Variants in OGDH observed in about 807,000 individuals in gnomAD.
OGDH encodes the protein oxoglutarate dehydrogenase, also known as 2-oxoglutarate dehydrogenase complex component E1.
In OGDH, 38 loss-of-function variants were observed where a neutral mutation model predicts 116.6. The ratio of observed to expected loss-of-function variants is 0.33; its 90% CI spans 0.25 to 0.43. OGDH has a LOEUF of 0.43. Among genes scored for constraint, OGDH ranks in the 20% least tolerant of loss-of-function variants. The pLI is 1.00. For missense variants in OGDH, 825 were observed against 1,357.2 expected (o/e 0.61, Z 6.16); for synonymous variants, 488 against 533.3 (o/e 0.92, Z 1.17).
intron 1 of OGDH, 29 bp from the exon 2 acceptor site, chr7:44,624,288 C>CTTT (rs1301210828): frequency 1.6e-5 from 18 of 1,157,260 alleles, no homozygotes; most frequent in African/African-American, 7.7e-5. Flanking sequence ...ACCTTTCTTT[C>CTTT]TTGTTTTTTT....
intron 4 of OGDH, among the ~76,000 whole-genome samples, chr7:44,658,829 T>TTTATTA (rs965097852): frequency 6.6e-6 from 1 of 151,880 alleles, no homozygotes; most frequent in African/African-American, 2.4e-5. Context: ...GATCTTGTGA[T>TTTATTA]TTATTATTAT....
chr7:44,659,231 A>T (rs1786830230), intron 4 of OGDH, among the ~76,000 whole-genome samples: 1 of 152,110 alleles, frequency 6.6e-6, no homozygotes, highest in Non-Finnish European at 1.5e-5. Context: ...AGTTTTGATT[A>T]TTCAACCAGC....
chr7:44,698,047 G>A, intron 17 of OGDH, 145 bp from the exon 18 acceptor site: 1 of 960,674 alleles, frequency 1.0e-6, no homozygotes, highest in Non-Finnish European at 1.6e-6. Context: ...CAAGTGCTTT[G>A]CTGGTGGGAG....
At chr7:44,696,612 G>T (rs886950543) in intron 14 of OGDH, 55 bp downstream of exon 14, 1 of 1,599,224 alleles carries the variant, frequency 6.3e-7, no homozygotes, top group Non-Finnish European at 8.5e-7. Flanking sequence ...CAGGGGCGAC[G>T]ACTGTCTAGG....
At chr7:44,627,437 G>T (rs1179506738) in intron 2 of OGDH, among the ~76,000 whole-genome samples, 2 of 152,200 alleles carry the variant, frequency 1.3e-5, no homozygotes, top group East Asian at 3.8e-4. Flanking sequence ...AGTTTAAATA[G>T]ACATAATAAT....
rs200990552 is a variant in OGDH, at chr7:44,708,035, C to T, written c.*36C>T. ...GGGTTGCTTGGGCCACTGCCCTCTC[C>T]ACACCCATGACTGCCCCTTGCTTCT... On this transcript the variant is annotated 3_prime_UTR_variant, in exon 23 of 23. Coordinates refer to ENST00000222673, the MANE Select transcript of OGDH (RefSeq NM_002541.4). 1.4e-4 allele frequency: 217 copies of T among 1,601,594 alleles called. No individual in the cohort carries two copies. Among genetic ancestry groups the T allele is most frequent in the Non-Finnish European group, 1.8e-4 (210 of 1,176,084 alleles).
At chr7:44,705,371 A>G (rs972876309) in intron 20 of OGDH, among the ~76,000 whole-genome samples, 7 of 152,028 alleles carry the variant, frequency 4.6e-5, no homozygotes, top group African/African-American at 1.7e-4. Flanking sequence ...ATTTTCATGA[A>G]GTCAGATTTG....
chr7:44,692,211 T>A (rs1355922215), intron 10 of OGDH, among the ~76,000 whole-genome samples: 2 of 152,090 alleles, frequency 1.3e-5, no homozygotes, highest in African/African-American at 4.8e-5. Context: ...TGTATAAGGA[T>A]GTGTACAGCA....
rs189023761 is a variant in OGDH, at chr7:44,698,084, A to G, written c.2359-108A>G. On this transcript the variant is annotated intron_variant, in intron 17 of 22. Transcript: ENST00000222673. ...GGGAAGGAACTGAACCCTGCCATCA[A>G]GAAAAAAGATAACCAGAAATGAGCT... The G allele has an allele frequency of 6.6e-5, 86 of 1,303,634 alleles. No individual in the cohort carries two copies. The African/African-American group carries it at 1.1e-3, about 16-fold the overall frequency. 80.8% of individuals were successfully genotyped at this position (1,303,634 alleles called of 1,614,324 possible).
At chr7:44,683,840 G>A (rs11773823) in intron 10 of OGDH, among the ~76,000 whole-genome samples, 7 of 152,132 alleles carry the variant, frequency 4.6e-5, no homozygotes, top group South Asian at 2.1e-4. Context: ...GTAGCTAAGG[G>A]TTCCCCTCAT....
intron 20 of OGDH, among the ~76,000 whole-genome samples, chr7:44,705,861 A>G (rs373585727): frequency 1.1e-4 from 16 of 152,244 alleles, no homozygotes; most frequent in African/African-American, 2.9e-4. Flanking sequence ...AGTACGATAC[A>G]TGTTTGTTAA....
At chr7:44,641,379 C>G (rs1009774850) in intron 2 of OGDH, among the ~76,000 whole-genome samples, 9 of 151,882 alleles carry the variant, frequency 5.9e-5, no homozygotes, top group Admixed American at 4.6e-4. Flanking sequence ...GCCTGCACCA[C>G]CACACCCAGC....
At chr7:44,701,499 C>T in intron 19 of OGDH, 44 bp from the exon 20 acceptor site, 1 of 1,571,628 alleles carries the variant, frequency 6.4e-7, no homozygotes, top group Non-Finnish European at 8.8e-7. Context: ...CTTCTGGAAT[C>T]TTCAGAATCT....
chr7:44,691,457 G>A (rs536430372), intron 10 of OGDH, among the ~76,000 whole-genome samples: 335 of 151,058 alleles, frequency 2.2e-3, no homozygotes, highest in African/African-American at 7.4e-3. Flanking sequence ...GCTTGAGCCC[G>A]GGAGGTCAAG....
chr7:44,708,258 T>G lies in OGDH; in HGVS notation c.*259T>G. Reference sequence around the variant, plus strand: ...CCGGGGGGAGCAGGAGGAGGAAAGGTAGCCCCCGAGGGATGTCCTTGGGGA... The same window carrying G: ...CCGGGGGGAGCAGGAGGAGGAAAGGGAGCCCCCGAGGGATGTCCTTGGGGA... On this transcript the variant is annotated 3_prime_UTR_variant, in exon 23 of 23. Coordinates refer to ENST00000222673, the MANE Select transcript of OGDH (RefSeq NM_002541.4). 2.3e-6 allele frequency: 1 copy of G among 436,848 alleles called. No homozygotes were observed. The allele number at this position is 436,848 out of a possible 1,614,324, so 27.1% of individuals were successfully genotyped here. A position where few individuals can be genotyped will look rare whatever the true frequency, so the allele number is the denominator to read the frequency against.
intron 12 of OGDH, among the ~76,000 whole-genome samples, chr7:44,695,062 C>T (rs1788520341): frequency 6.6e-6 from 1 of 152,034 alleles, no homozygotes; most frequent in South Asian, 2.1e-4. Context: ...GTAGCCTATG[C>T]TGGAGACAGA....
In OGDH at chr7:44,609,474, C is replaced by T. The variant is rs568830780; in HGVS notation, c.-28+2821C>T. ...GCGGTGAGCCGAGATCGCGCCACTG[C>T]ACTCCAGCATGAGTGACAGAGTGAG... On this transcript the variant is annotated intron_variant, in intron 1 of 22. Transcript: ENST00000222673. 5.0e-4 allele frequency among the ~76,000 whole-genome samples: 74 copies of T among 148,872 alleles called. 1 individual carries two copies. The highest frequency in any genetic ancestry group is 1.8e-3 in the African/African-American group (73 of 40,230).
intron 4 of OGDH, among the ~76,000 whole-genome samples, chr7:44,654,151 C>T (rs1469376016): frequency 6.6e-5 from 10 of 152,030 alleles, no homozygotes; most frequent in East Asian, 1.9e-4. Flanking sequence ...CACCACGCTC[C>T]GTGAGATGTA....
intron 5 of OGDH, 34 bp from the exon 6 acceptor site, chr7:44,673,753 A>G (rs1787571511): frequency 6.2e-7 from 1 of 1,612,056 alleles, no homozygotes; most frequent in Admixed American, 1.7e-5. Flanking sequence ...CCTGGTTAGA[A>G]ATCCCCTTGA....
Sources: gnomAD v4.1 joint callset for allele counts (sites outside exome capture counted in the v4.1 genomes callset) on GRCh38, gnomAD v4.1.1 for gene constraint, MANE v1.5 for transcripts, NCBI Gene and HGNC (gene_info 2026-07-23, HGNC 2026-07-21) for gene names.